LRRC47: variants seen among roughly 807,000 people sequenced by gnomAD.
LRRC47 encodes the protein leucine-rich repeat-containing protein 47.
LRRC47 carries 31 observed loss-of-function variants against 40.9 expected under a neutral mutation model. That is an observed-to-expected ratio of 0.76 (90% CI 0.57 to 1.02). The LOEUF (loss-of-function observed/expected upper bound fraction) is 1.02, where lower values mean the gene tolerates loss of function less well. Ranked by LOEUF, LRRC47 falls within the 50% of genes least tolerant of loss-of-function variation. The pLI is 0.00. For synonymous variants in LRRC47, 427 were observed against 371.9 expected (o/e 1.15, Z -1.70); for missense variants, 726 against 796.1 (o/e 0.91, Z 1.06).
chr1:3,795,793 C>T (rs1018179724), intron 1 of LRRC47, 69 bp downstream of exon 1: 20 of 1,439,432 alleles, frequency 1.4e-5, no homozygotes, highest in Admixed American at 1.1e-4. Context: ...TGCTCGGCCC[C>T]GAGAGGGGTT....
At position 3,790,816 on chromosome 1, in the gene LRRC47, G is replaced by T. The variant is rs370902651; in HGVS notation, c.616-3506C>A. Among the ~76,000 whole-genome samples the T allele has an allele frequency of 3.9e-4, 59 of 152,352 alleles. 1 individual carries two copies. The South Asian group carries it at 0.012, about 31-fold the overall frequency. On this transcript the variant is annotated intron_variant, in intron 1 of 6. Transcript: ENST00000378251. Reference sequence around the variant, plus strand: ...GTGCTCCCTGGGGAATGGCTGTGGGGATGGGCACTAGGAGCCAGGCCGAGC... The same window carrying T: ...GTGCTCCCTGGGGAATGGCTGTGGGTATGGGCACTAGGAGCCAGGCCGAGC...
At position 3,796,038 on chromosome 1, in the gene LRRC47, C is replaced by G; in HGVS notation, c.439G>C (p.Asp147His). 1.3e-6 allele frequency: 2 copies of G among 1,543,370 alleles called. No individual in the cohort carries two copies. Among genetic ancestry groups the G allele is most frequent in the Non-Finnish European group, 1.7e-6 (2 of 1,146,994 alleles). ...SGNRLRELPADLARCAPRLQS... is the reference protein window; with the variant it reads ...SGNRLRELPAHLARCAPRLQS... ...AGGCGCGGGGCGCAGCGCGCCAGGT[C>G]GGCTGGCAGCTCGCGCAGCCGGTTG... Residue 147 changes from aspartate to histidine, a missense_variant, in exon 1 of 7, where the codon GAC (aspartate) becomes CAC (histidine). By Grantham distance (81) the Asp-to-His change is moderately conservative. Transcript: ENST00000378251.
intron 1 of LRRC47, among the ~76,000 whole-genome samples, chr1:3,789,516 C>T (rs1643608104): frequency 6.6e-6 from 1 of 152,256 alleles, no homozygotes; most frequent in African/African-American, 2.4e-5. Flanking sequence ...CGGGGCCCCA[C>T]CGGGGCGCCC....
intron 1 of LRRC47, among the ~76,000 whole-genome samples, chr1:3,794,269 T>G (rs925981523): frequency 5.3e-5 from 8 of 152,172 alleles, no homozygotes; most frequent in African/African-American, 1.9e-4. Flanking sequence ...CTTTCTCTAT[T>G]GCAACCCTCC....
chr1:3,792,694 C>T (rs766174419), intron 1 of LRRC47, among the ~76,000 whole-genome samples: 1 of 152,188 alleles, frequency 6.6e-6, no homozygotes, highest in Non-Finnish European at 1.5e-5. Context: ...CTCTTGACCT[C>T]GTGATTCGCC....
intron 1 of LRRC47, among the ~76,000 whole-genome samples, chr1:3,793,616 T>G (rs1643646867): frequency 6.6e-6 from 1 of 152,178 alleles, no homozygotes; most frequent in African/African-American, 2.4e-5. Flanking sequence ...ACTTCCCCAG[T>G]GACTCCTGCA....
At chr1:3,794,471 C>T (rs888805348) in intron 1 of LRRC47, among the ~76,000 whole-genome samples, 16 of 151,700 alleles carry the variant, frequency 1.1e-4, no homozygotes, top group African/African-American at 2.2e-4. Context: ...CTCAGCCTCC[C>T]GAGTAGCTGG....
Position 3,781,742 on chromosome 1 carries a change from G to A in LRRC47, c.1414-141C>T, listed in dbSNP as rs190728806. Reference sequence around the variant, plus strand: ...CACCTGTAAATCCAGCACTTTGGGAGGTTGATGTGGGAGGATTGCTTGAGC... The same window carrying A: ...CACCTGTAAATCCAGCACTTTGGGAAGTTGATGTGGGAGGATTGCTTGAGC... On this transcript the variant is annotated intron_variant, in intron 5 of 6. Coordinates refer to ENST00000378251, the MANE Select transcript of LRRC47 (RefSeq NM_020710.3). 924 of 693,098 alleles carry A rather than the reference G, an allele frequency of 1.3e-3. 1 individual carries two copies. In the African/African-American group the frequency reaches 0.015, roughly 11 times the overall value. 42.9% of individuals were successfully genotyped at this position (693,098 alleles called of 1,614,324 possible). A position where few individuals can be genotyped will look rare whatever the true frequency, so the allele number is the denominator to read the frequency against.
In LRRC47 at chr1:3,796,138, C is replaced by T. The variant is rs1368406718; in HGVS notation, c.339G>A (p.Ala113=). 1.4e-6 allele frequency: 2 copies of T among 1,430,136 alleles called. No homozygotes were observed. Among genetic ancestry groups the T allele is most frequent in the Non-Finnish European group, 1.8e-6 (2 of 1,099,268 alleles). The allele number at this position is 1,430,136 out of a possible 1,614,324, so 88.6% of individuals were successfully genotyped here. The change falls in exon 1 of 7, where the codon GCG becomes GCA. Residue 113 remains alanine (A), a synonymous_variant. Transcript: ENST00000378251. ...VLDLSGNALE[A]LPPGQGLGPA... is the part of the protein sequence containing the mutation. Reference sequence around the variant, plus strand: ...GGCCCAGGCCTTGGCCCGGCGGCAGCGCCTCCAGCGCGTTGCCCGACAGGT... The same window carrying T: ...GGCCCAGGCCTTGGCCCGGCGGCAGTGCCTCCAGCGCGTTGCCCGACAGGT...
At chr1:3,795,019 A>G (rs1161659622) in intron 1 of LRRC47, among the ~76,000 whole-genome samples, 1 of 140,396 alleles carries the variant, frequency 7.1e-6, no homozygotes, top group Non-Finnish European at 1.5e-5. Flanking sequence ...GCGCCACTGC[A>G]CTCCAGCCTG....
Position 3,779,584 on chromosome 1 carries a change from A to G in LRRC47, c.*1504T>C, listed in dbSNP as rs572324528. On this transcript the variant is annotated 3_prime_UTR_variant, in exon 7 of 7. Coordinates refer to ENST00000378251, the MANE Select transcript of LRRC47 (RefSeq NM_020710.3). The stretch of plus-strand genomic sequence containing the variant: ...CTGGACATTCACAACGGAAACGTCT[A>G]CAACAGAAGGCGCCCAGGACCCACC... The G allele has an allele frequency of 6.6e-6, 1 of 152,378 alleles. No individual in the cohort carries two copies. The highest frequency in any genetic ancestry group is 2.4e-5 in the African/African-American group (1 of 41,592). The allele number at this position is 152,378 out of a possible 1,614,324, so 9.4% of individuals were successfully genotyped here.
intron 1 of LRRC47, among the ~76,000 whole-genome samples, chr1:3,787,885 G>A (rs531432270): frequency 2.6e-5 from 4 of 152,354 alleles, no homozygotes; most frequent in Non-Finnish European, 2.9e-5. Context: ...GGGGAAAGCC[G>A]ACTTCAACGG....
At chr1:3,791,237 A>C (rs2124614128) in intron 1 of LRRC47, among the ~76,000 whole-genome samples, 1 of 152,344 alleles carries the variant, frequency 6.6e-6, no homozygotes, top group Non-Finnish European at 1.5e-5. Context: ...GCCAGCCCAG[A>C]GCGCAGAGCC....
chr1:3,782,626 G>C lies in LRRC47; in HGVS notation c.1413+35C>G, dbSNP rs761315949. 1.7e-5 allele frequency: 21 copies of C among 1,213,358 alleles called. No individual in the cohort carries two copies. In the South Asian group the frequency reaches 2.5e-4, roughly 15 times the overall value. The allele number at this position is 1,213,358 out of a possible 1,614,324, so 75.2% of individuals were successfully genotyped here. On this transcript the variant is annotated intron_variant, in intron 5 of 6. Transcript: ENST00000378251. ...TGTTAATTCTACAGGGAACAGCCTA[G>C]AAGACACACCATGTTCACACACATG...
chr1:3,784,603 C>T (rs1057042318), intron 3 of LRRC47, among the ~76,000 whole-genome samples: 8 of 152,226 alleles, frequency 5.3e-5, no homozygotes, highest in South Asian at 2.1e-4. Context: ...GCTCATCCGC[C>T]GAGTCCTCTC....
Position 3,793,001 on chromosome 1 carries a change from G to A in LRRC47, c.615+2861C>T, listed in dbSNP as rs896690371. On this transcript the variant is annotated intron_variant, in intron 1 of 6. Transcript: ENST00000378251. ...GACCAAGGAAAATGCCAGTGAACTC[G>A]CCTCTTCCAGGAAATGCCAATGAAA... Among the ~76,000 whole-genome samples the A allele has an allele frequency of 5.3e-5, 8 of 152,244 alleles. No individual in the cohort carries two copies. The South Asian group carries it at 1.0e-3, about 20-fold the overall frequency.
Position 3,781,467 on chromosome 1 carries a change from C to A in LRRC47, c.1503+45G>T, listed in dbSNP as rs767126327. On this transcript the variant is annotated intron_variant, in intron 6 of 6. Coordinates refer to ENST00000378251, the MANE Select transcript of LRRC47 (RefSeq NM_020710.3). ...TGGGAAGTCAAGGAGCAGAGCACCA[C>A]TCACGCTCAAAAGCGTTTCTCAGGA... 8.8e-6 allele frequency: 14 copies of A among 1,588,310 alleles called. No individual in the cohort carries two copies. In the Admixed American group the frequency reaches 2.3e-4, roughly 27 times the overall value.
In LRRC47 at chr1:3,781,515, A is replaced by G; in HGVS notation, c.1500T>C (p.Ile500=). ...QICKDVMDAL[I]LKMAEMKKYT... ...GGAGGAGCCACCCCACACTCACCAG[A>G]ATGAGGGCATCCATGACATCCTTGC... The change falls in exon 6 of 7, where the codon ATT becomes ATC. Residue 500 remains isoleucine, a synonymous_variant. Transcript: ENST00000378251. The G allele has an allele frequency of 1.2e-6, 2 of 1,613,702 alleles. No homozygotes were observed. The highest frequency in any genetic ancestry group is 1.1e-5 in the South Asian group (1 of 91,042).
rs142225482 is a variant in LRRC47, at chr1:3,789,140, A to G, written c.616-1830T>C. On this transcript the variant is annotated intron_variant, in intron 1 of 6. Coordinates refer to ENST00000378251, the MANE Select transcript of LRRC47 (RefSeq NM_020710.3). ...CAAAGTACCAGGAGCCGTATCACCA[A>G]TGCTGTCGCCAGCCTGCAGCACCAG... is the stretch of plus-strand genomic sequence containing the variant. 2.8e-3 allele frequency among the ~76,000 whole-genome samples: 429 copies of G among 152,328 alleles called. 2 individuals are homozygous for G. The highest frequency in any genetic ancestry group is 8.6e-3 in the African/African-American group (358 of 41,576).
Sources: allele counts gnomAD v4.1 joint callset (sites outside exome capture counted in the v4.1 genomes callset), GRCh38; gene constraint gnomAD v4.1.1; transcripts MANE v1.5; gene names NCBI Gene and HGNC (gene_info 2026-07-23, HGNC 2026-07-21).